Variants in TRIM62 observed in about 807,000 individuals in gnomAD.
TRIM62 encodes the protein tripartite motif containing 62, also known as E3 ubiquitin-protein ligase TRIM62.
In TRIM62, 39 loss-of-function variants were observed where a neutral mutation model predicts 44.2. The ratio of observed to expected loss-of-function variants is 0.88; its 90% CI spans 0.68 to 1.15. The LOEUF (loss-of-function observed/expected upper bound fraction) is 1.15. Ranked by LOEUF, TRIM62 falls within the 50% of genes most tolerant of loss-of-function variation. TRIM62 has a pLI of 0.00. For missense variants in TRIM62, 544 were observed against 665.5 expected (o/e 0.82, Z 2.01); for synonymous variants, 278 against 292.3 (o/e 0.95, Z 0.50).
chr1:33,176,645 G>A, intron 1 of TRIM62: 1 of 472,826 alleles, frequency 2.1e-6, no homozygotes, highest in South Asian at 3.5e-5. Context: ...GCCTAGCCCT[G>A]TCAATACAGG....
intron 1 of TRIM62, among the ~76,000 whole-genome samples, chr1:33,171,485 T>C (rs576755268): frequency 3.4e-4 from 51 of 152,190 alleles, no homozygotes; most frequent in South Asian, 8.3e-4. Context: ...GCTCCGAAAA[T>C]CCATGTTCAA....
At position 33,159,900 on chromosome 1, in the gene TRIM62, C is replaced by T; in HGVS notation, c.549G>A (p.Glu183=). Residue 183 remains glutamate, a synonymous_variant, in exon 3 of 5, where the codon GAG becomes GAA. Coordinates refer to ENST00000291416, the MANE Select transcript of TRIM62 (RefSeq NM_018207.3). The surrounding 1 kb of genome is among the most constrained non-coding windows in gnomAD (Gnocchi z 4.2). The stretch of plus-strand genomic sequence containing the variant: ...GTTCACGCAGCAGCCGGTGCAGCCG[C>T]TCGAAGGCCTCGCCGATAGTGGTCC... ...SLRTTIGEAF[E]RLHRLLRERQ... is the part of the protein sequence containing the mutation. 6.2e-7 allele frequency: 1 copy of T among 1,609,460 alleles called. No individual in the cohort carries two copies. The highest frequency in any genetic ancestry group is 2.2e-5 in the East Asian group (1 of 44,874).
Position 33,181,019 on chromosome 1 carries a change from G to A in TRIM62, c.408+6C>T. 1 of 1,579,596 alleles carries A rather than the reference G, an allele frequency of 6.3e-7. No individual in the cohort carries two copies. Among genetic ancestry groups the A allele is most frequent in the African/African-American group, 1.4e-5 (1 of 73,356 alleles). ...GCCCCTTCCCCAGGCAGGCCGGGTAGCGCACCTGCAGCTCGTCGAAGGCGT... is the reference window on the plus strand; with the variant it reads ...GCCCCTTCCCCAGGCAGGCCGGGTAACGCACCTGCAGCTCGTCGAAGGCGT... On this transcript the variant is annotated splice_donor_region_variant and intron_variant, in intron 1 of 4. Transcript: ENST00000291416. This position sits in a 1 kb window ranked among gnomAD's most constrained non-coding sequence, Gnocchi z 6.5.
chr1:33,178,952 G>T (rs1436036487), intron 1 of TRIM62, among the ~76,000 whole-genome samples: 1 of 152,232 alleles, frequency 6.6e-6, no homozygotes, highest in Non-Finnish European at 1.5e-5. Context: ...TGAAGCAGAG[G>T]CTAGAAGGTC....
intron 4 of TRIM62, among the ~76,000 whole-genome samples, chr1:33,150,426 G>A (rs1420385591): frequency 6.6e-6 from 1 of 152,260 alleles, no homozygotes; most frequent in Admixed American, 6.5e-5. Context: ...CACTGGACCA[G>A]TGACCTATAT....
chr1:33,158,846 CTT>C (rs568043864), intron 3 of TRIM62, among the ~76,000 whole-genome samples: 1 of 145,558 alleles, frequency 6.9e-6, no homozygotes. Context: ...TCTTTTTTTT[CTT>C]TTTTTTTTTG....
Position 33,145,582 on chromosome 1 carries a change from T to A in TRIM62, c.*1595A>T, listed in dbSNP as rs1645012407. The A allele has an allele frequency of 5.5e-6, 1 of 181,888 alleles. No homozygotes were observed. Among genetic ancestry groups the A allele is most frequent in the South Asian group, 1.0e-4 (1 of 9,766 alleles). The allele number at this position is 181,888 out of a possible 1,614,324, so 11.3% of individuals were successfully genotyped here. Reference sequence around the variant, plus strand: ...GGGGGCAGCCATTTTAAGAACCCCCTGTGTTTAGCTCTTCCGGCTACTTTG... The same window carrying A: ...GGGGGCAGCCATTTTAAGAACCCCCAGTGTTTAGCTCTTCCGGCTACTTTG... On this transcript the variant is annotated 3_prime_UTR_variant, in exon 5 of 5. Transcript: ENST00000291416.
chr1:33,147,868 C>T lies in TRIM62; in HGVS notation c.878-141G>A. 2.2e-6 allele frequency: 2 copies of T among 889,334 alleles called. No individual in the cohort carries two copies. Among genetic ancestry groups the T allele is most frequent in the East Asian group, 2.6e-5 (1 of 37,778 alleles). 55.1% of individuals were successfully genotyped at this position (889,334 alleles called of 1,614,324 possible). ...GTGTGACCTTGAATACAAGTCTGCC[C>T]TCTCTGGGCCTCATCTTCCTCCTCT... On this transcript the variant is annotated intron_variant, in intron 4 of 4. Transcript: ENST00000291416. This position sits in a 1 kb window ranked among gnomAD's most constrained non-coding sequence, Gnocchi z 8.1.
chr1:33,152,889 G>C (rs1372965291), intron 4 of TRIM62, among the ~76,000 whole-genome samples: 1 of 152,164 alleles, frequency 6.6e-6, no homozygotes, highest in Non-Finnish European at 1.5e-5. Context: ...CAGGAGCAAG[G>C]CAGGCTGCTC....
At position 33,181,557 on chromosome 1, in the gene TRIM62, C is replaced by T. The variant is rs1219401596; in HGVS notation, c.-125G>A. On this transcript the variant is annotated 5_prime_UTR_variant, in exon 1 of 5. It removes the in-frame stop codon of an upstream open reading frame in the 5' UTR. Coordinates refer to ENST00000291416, the MANE Select transcript of TRIM62 (RefSeq NM_018207.3). The surrounding 1 kb of genome is among the most constrained non-coding windows in gnomAD (Gnocchi z 6.5). ...AGGCCCGCACAGGCAGGGGTAGGAG[C>T]TACCGGAGAAGGGAGGGGGTGCTGT... 12 of 1,415,350 alleles carry T rather than the reference C, an allele frequency of 8.5e-6. No individual in the cohort carries two copies. The highest frequency in any genetic ancestry group is 1.0e-5 in the Non-Finnish European group (11 of 1,091,792). The allele number at this position is 1,415,350 out of a possible 1,614,324, so 87.7% of individuals were successfully genotyped here. A position where few individuals can be genotyped will look rare whatever the true frequency, so the allele number is the denominator to read the frequency against.
chr1:33,170,108 T>G (rs1645361457), intron 1 of TRIM62, among the ~76,000 whole-genome samples: 1 of 152,118 alleles, frequency 6.6e-6, no homozygotes, highest in Admixed American at 6.6e-5. Context: ...GACCTTTGGA[T>G]CACCTAAGGT....
chr1:33,147,266 C>CT lies in TRIM62; in HGVS notation c.1338_1339insA (p.Gly447ArgfsTer53), dbSNP rs1226379985. 2 of 1,614,140 alleles carry CT rather than the reference C, an allele frequency of 1.2e-6. No individual in the cohort carries two copies. The highest frequency in any genetic ancestry group is 2.7e-5 in the African/African-American group (2 of 75,060). On this transcript the variant is annotated frameshift_variant, in exon 5 of 5. Transcript: ENST00000291416. LOFTEE classifies it high-confidence loss of function. The surrounding 1 kb of genome is among the most constrained non-coding windows in gnomAD (Gnocchi z 8.1). ...GGGCTGAAGTAAGAGCAGAGCTTGC[C>CT]AGGGAACTTCTCGCGGAAGGTGTAG... is the stretch of plus-strand genomic sequence containing the variant.
Position 33,165,454 on chromosome 1 carries a change from GC to G in TRIM62, c.504+16del. On this transcript the variant is annotated intron_variant, in intron 2 of 4. Transcript: ENST00000291416. This position sits in a 1 kb window ranked among gnomAD's most constrained non-coding sequence, Gnocchi z 4.0. ...TCATCTCTGCCGGCCCCACCTCCGCGCCCCGGCCAGGCTCACCTTGGTCTCC... is the reference window on the plus strand; with the variant it reads ...TCATCTCTGCCGGCCCCACCTCCGCGCCCGGCCAGGCTCACCTTGGTCTCC... 2 of 1,572,262 alleles carry G rather than the reference GC, an allele frequency of 1.3e-6. No homozygotes were observed. The highest frequency in any genetic ancestry group is 2.3e-5 in the South Asian group (2 of 86,280).
chr1:33,153,609 T>C (rs1338313083), intron 4 of TRIM62, among the ~76,000 whole-genome samples: 3 of 152,212 alleles, frequency 2.0e-5, no homozygotes, highest in Non-Finnish European at 4.4e-5. Flanking sequence ...TGAGAAACCC[T>C]GCACTGGGGT....
Position 33,145,700 on chromosome 1 carries a change from C to T in TRIM62, c.*1477G>A, listed in dbSNP as rs1645013749. The T allele has an allele frequency of 5.6e-6, 2 of 357,204 alleles. No homozygotes were observed. Among genetic ancestry groups the T allele is most frequent in the Non-Finnish European group, 1.1e-5 (2 of 177,790 alleles). 22.1% of individuals were successfully genotyped at this position (357,204 alleles called of 1,614,324 possible). ...GGCCGGGGAGACATTTAGGCTCAGT[C>T]TTGCAGCCCACTCCTCCAGTTCCCA... On this transcript the variant is annotated 3_prime_UTR_variant, in exon 5 of 5. Coordinates refer to ENST00000291416, the MANE Select transcript of TRIM62 (RefSeq NM_018207.3).
At position 33,165,557 on chromosome 1, in the gene TRIM62, T is replaced by A; in HGVS notation, c.418A>T (p.Lys140Ter). The A allele has an allele frequency of 6.2e-7, 1 of 1,608,016 alleles. No homozygotes were observed. The highest frequency in any genetic ancestry group is 8.5e-7 in the Non-Finnish European group (1 of 1,176,862). ...TCTTGAAGGGCCTGAAGTTGGTCCTTCAGCTCCCTCTGAAACACACACAGG... is the reference window on the plus strand; with the variant it reads ...TCTTGAAGGGCCTGAAGTTGGTCCTACAGCTCCCTCTGAAACACACACAGG... ...DAFDELQREL[K>*]DQLQALQDSE... The change falls in exon 2 of 5, where the codon AAG (lysine) becomes TAG (stop). Residue 140 changes from lysine to a stop codon, truncating the protein, a stop_gained. Transcript: ENST00000291416. LOFTEE classifies it high-confidence loss of function. The surrounding 1 kb of genome is among the most constrained non-coding windows in gnomAD (Gnocchi z 4.0).
Position 33,161,162 on chromosome 1 carries a change from C to T in TRIM62, c.505-1218G>A, listed in dbSNP as rs118143242. Reference sequence around the variant, plus strand: ...GTGTTGTTGTGCGCACTCCAAGGCGCAGAGAAAGAGCCTGGTTATTGAAGA... The same window carrying T: ...GTGTTGTTGTGCGCACTCCAAGGCGTAGAGAAAGAGCCTGGTTATTGAAGA... On this transcript the variant is annotated intron_variant, in intron 2 of 4. Coordinates refer to ENST00000291416, the MANE Select transcript of TRIM62 (RefSeq NM_018207.3). The surrounding 1 kb of genome is among the most constrained non-coding windows in gnomAD (Gnocchi z 4.3). Among the ~76,000 whole-genome samples the T allele has an allele frequency of 4.3e-3, 657 of 152,324 alleles. 19 individuals are homozygous for T. In the East Asian group the frequency reaches 0.08, roughly 18 times the overall value.
In TRIM62 at chr1:33,180,968, C is replaced by A. The variant is rs1348584626; in HGVS notation, c.408+57G>T. ...GGTCCAGCCCTGACCCCACCCCCCG[C>A]CCGGCCCCACCTCCAGCCCGGCCCC... On this transcript the variant is annotated intron_variant, in intron 1 of 4. Transcript: ENST00000291416. 8.6e-6 allele frequency: 4 copies of A among 464,724 alleles called. No individual in the cohort carries two copies. In the East Asian group the frequency reaches 2.7e-4, roughly 31 times the overall value. The allele number at this position is 464,724 out of a possible 1,614,324, so 28.8% of individuals were successfully genotyped here.
intron 1 of TRIM62, among the ~76,000 whole-genome samples, chr1:33,169,900 C>T (rs1276956994): frequency 6.6e-6 from 1 of 152,160 alleles, no homozygotes; most frequent in Admixed American, 6.5e-5. Context: ...CAGGCCTTTA[C>T]ACATCTCTCA....
Sources: gnomAD v4.1 joint callset for allele counts (sites outside exome capture counted in the v4.1 genomes callset) on GRCh38, gnomAD v4.1.1 for gene constraint, Gnocchi (gnomAD v3.1) non-coding constraint, MANE v1.5 for transcripts, NCBI Gene and HGNC (gene_info 2026-07-23, HGNC 2026-07-21) for gene names.